ALK: variants seen among roughly 807,000 people sequenced by gnomAD.
The protein encoded by ALK is ALK receptor tyrosine kinase, also known as ALK tyrosine kinase receptor.
Under a neutral mutation model 163.1 loss-of-function variants are expected in ALK, and 74 were observed. The ratio of observed to expected loss-of-function variants is 0.45; its 90% CI spans 0.38 to 0.55. ALK has a LOEUF of 0.55. ALK is among the 20% of genes least tolerant of loss of function. The pLI, the probability that ALK is intolerant of heterozygous loss-of-function variation, is 0.00. For missense variants in ALK, 2,063 were observed against 2,105.3 expected, an observed-to-expected ratio of 0.98 and a Z score of 0.39; for synonymous variants, 960 against 843.2, an observed-to-expected ratio of 1.14 and a Z score of -2.40.
intron 1 of ALK, among the ~76,000 whole-genome samples, chr2:29,880,869 G>C (rs1168357925): frequency 6.6e-6 from 1 of 152,174 alleles, no homozygotes; most frequent in Non-Finnish European, 1.5e-5. Flanking sequence ...TCTTCAGTTA[G>C]AGCTGCTTTT....
chr2:29,314,754 C>G (rs952476357), intron 8 of ALK, among the ~76,000 whole-genome samples: 1 of 152,202 alleles, frequency 6.6e-6, no homozygotes, highest in Non-Finnish European at 1.5e-5. Flanking sequence ...ATTCTAGTCA[C>G]AGGCAGGCTA....
intron 4 of ALK, among the ~76,000 whole-genome samples, chr2:29,431,703 A>G (rs1186877242): frequency 6.6e-6 from 1 of 152,162 alleles, no homozygotes; most frequent in Non-Finnish European, 1.5e-5. Context: ...TAACTAGGTC[A>G]TGGTGATGGT....
intron 26 of ALK, among the ~76,000 whole-genome samples, chr2:29,205,677 T>A (rs1201306940): frequency 1.3e-5 from 2 of 152,130 alleles, no homozygotes; most frequent in Non-Finnish European, 1.5e-5. Flanking sequence ...CCTCTTCTTT[T>A]GTGTGTGTGA....
chr2:29,629,785 C>G (rs76130950), intron 3 of ALK, among the ~76,000 whole-genome samples: 2 of 152,124 alleles, frequency 1.3e-5, no homozygotes, highest in South Asian at 2.1e-4. Context: ...AGTTATTAGT[C>G]TCATTTTACA....
intron 6 of ALK, among the ~76,000 whole-genome samples, chr2:29,327,297 C>T (rs972422032): frequency 3.3e-5 from 5 of 152,054 alleles, no homozygotes; most frequent in South Asian, 2.1e-4. Flanking sequence ...TAAGCACAGA[C>T]GCTGTGCCAG....
At chr2:29,457,642 G>C (rs1670988449) in intron 4 of ALK, among the ~76,000 whole-genome samples, 1 of 152,054 alleles carries the variant, frequency 6.6e-6, no homozygotes. Flanking sequence ...ATGAATCAGG[G>C]AGCTTGGGTT....
At chr2:29,238,249 T>G (rs1305778946) in intron 13 of ALK, among the ~76,000 whole-genome samples, 1 of 152,136 alleles carries the variant, frequency 6.6e-6, no homozygotes, top group East Asian at 1.9e-4. Context: ...CAGGCTGGAG[T>G]GCAGTGGTGC....
intron 11 of ALK, among the ~76,000 whole-genome samples, chr2:29,260,702 G>T (rs953910737): frequency 2.5e-4 from 38 of 151,902 alleles, no homozygotes; most frequent in African/African-American, 9.2e-4. Flanking sequence ...AGGTATGGTG[G>T]TGGGTGCCTA....
Position 29,509,138 on chromosome 2 carries a change from G to A in ALK, c.1154+22777C>T, listed in dbSNP as rs567436135. ...TTTTCTGTCATGGAAACTTCTAGAG[G>A]GAAAAGAGAGTCAATTTTGTAAATG... On this transcript the variant is annotated intron_variant, in intron 4 of 28. Coordinates refer to ENST00000389048, the MANE Select transcript of ALK (RefSeq NM_004304.5). Among the ~76,000 whole-genome samples the A allele has an allele frequency of 3.3e-4, 50 of 152,160 alleles. 1 individual carries two copies. In the South Asian group the frequency reaches 0.01, roughly 31 times the overall value.
chr2:29,641,899 G>A (rs537775845), intron 3 of ALK, among the ~76,000 whole-genome samples: 1 of 152,174 alleles, frequency 6.6e-6, no homozygotes, highest in Non-Finnish European at 1.5e-5. Context: ...TATCCCTAAT[G>A]GGGGATCAGA....
intron 5 of ALK, among the ~76,000 whole-genome samples, chr2:29,357,640 C>T (rs1046415619): frequency 6.6e-6 from 1 of 152,192 alleles, no homozygotes; most frequent in Admixed American, 6.5e-5. Context: ...CCATCTCCCC[C>T]ACCTGTCTGT....
At chr2:29,817,572 G>A (rs1333624129) in intron 1 of ALK, among the ~76,000 whole-genome samples, 2 of 152,054 alleles carry the variant, frequency 1.3e-5, no homozygotes, top group African/African-American at 4.8e-5. Context: ...GAGTGCTTAG[G>A]GATCATCTGC....
At chr2:29,702,671 A>T (rs1171913592) in intron 2 of ALK, among the ~76,000 whole-genome samples, 2 of 152,268 alleles carry the variant, frequency 1.3e-5, no homozygotes, top group Non-Finnish European at 2.9e-5. Context: ...ATGGACTTAA[A>T]GTTCCACATG....
At chr2:29,301,006 T>C (rs1399385952) in intron 8 of ALK, among the ~76,000 whole-genome samples, 1 of 152,136 alleles carries the variant, frequency 6.6e-6, no homozygotes, top group Non-Finnish European at 1.5e-5. Context: ...AAAGCCTGTG[T>C]TTTGCATTTT....
chr2:29,416,735 A>C (rs983448386), intron 4 of ALK, among the ~76,000 whole-genome samples: 2 of 152,188 alleles, frequency 1.3e-5, no homozygotes, highest in Non-Finnish European at 2.9e-5. Flanking sequence ...GAGGTACTAC[A>C]GTAGTCAGAG....
chr2:29,731,360 A>G (rs1679737026), intron 1 of ALK, among the ~76,000 whole-genome samples: 2 of 152,162 alleles, frequency 1.3e-5, no homozygotes, highest in South Asian at 2.1e-4. Context: ...GGCTTCTTCC[A>G]TGTCCCCTTC....
intron 4 of ALK, among the ~76,000 whole-genome samples, chr2:29,422,547 T>C (rs939891756): frequency 1.3e-5 from 2 of 152,260 alleles, no homozygotes; most frequent in African/African-American, 4.8e-5. Context: ...GGGTGCTTCC[T>C]GAGGTGCTAG....
chr2:29,341,762 T>C (rs1667798854), intron 5 of ALK, among the ~76,000 whole-genome samples: 1 of 152,170 alleles, frequency 6.6e-6, no homozygotes, highest in South Asian at 2.1e-4. Flanking sequence ...GTAAGAAGGT[T>C]TGGTGTTATC....
intron 4 of ALK, among the ~76,000 whole-genome samples, chr2:29,464,971 A>G (rs1198693236): frequency 6.6e-6 from 1 of 152,246 alleles, no homozygotes; most frequent in African/African-American, 2.4e-5. Context: ...TCAGTCGAAT[A>G]TATGTGTAAC....
Sources: gnomAD v4.1 joint callset for allele counts (sites outside exome capture counted in the v4.1 genomes callset) on GRCh38, gnomAD v4.1.1 for gene constraint, MANE v1.5 for transcripts, NCBI Gene and HGNC (gene_info 2026-07-23, HGNC 2026-07-21) for gene names.